The following PHAF1 variants were observed in gnomAD, a reference collection of about 807,000 sequenced individuals.
PHAF1 encodes phagophore assembly factor 1.
PHAF1 carries 23 observed loss-of-function variants against 63.1 expected under a neutral mutation model. That is an observed-to-expected ratio of 0.36 (90% CI 0.26 to 0.52). The LOEUF (loss-of-function observed/expected upper bound fraction) is 0.52. Among genes scored for constraint, PHAF1 ranks in the 20% least tolerant of loss-of-function variants. The pLI is 0.93. For synonymous variants in PHAF1, 167 were observed against 185.0 expected (o/e 0.90, Z 0.79); for missense variants, 427 against 517.2 (o/e 0.83, Z 1.69).
intron 14 of PHAF1, 84 bp from the exon 15 acceptor site, chr16:67,146,194 C>T (rs943127660): frequency 4.0e-6 from 5 of 1,245,758 alleles, no homozygotes; most frequent in Non-Finnish European, 5.9e-6. Context: ...TGGCCAGTAT[C>T]CCATACCCCA....
At chr16:67,145,131 A>G (rs1313764900) in intron 12 of PHAF1, among the ~76,000 whole-genome samples, 1 of 152,038 alleles carries the variant, frequency 6.6e-6, no homozygotes, top group Non-Finnish European at 1.5e-5. Flanking sequence ...ACAGATGATC[A>G]TCCAGGGGGC....
At position 67,147,180 on chromosome 16, in the gene PHAF1, C is replaced by A; in HGVS notation, c.*49C>A. On this transcript the variant is annotated 3_prime_UTR_variant, in exon 16 of 16. Transcript: ENST00000219139. Reference sequence around the variant, plus strand: ...TGTCCCGTGGAACTGTGCATCACATCCTGCTCAGTGGGCCTCTGTACCACC... The same window carrying A: ...TGTCCCGTGGAACTGTGCATCACATACTGCTCAGTGGGCCTCTGTACCACC... 6.6e-7 allele frequency: 1 copy of A among 1,517,934 alleles called. No homozygotes were observed. Among genetic ancestry groups the A allele is most frequent in the Non-Finnish European group, 9.1e-7 (1 of 1,093,530 alleles). 94.0% of individuals were successfully genotyped at this position (1,517,934 alleles called of 1,614,324 possible).
intron 14 of PHAF1, 50 bp downstream of exon 14, chr16:67,145,678 C>G (rs1567656469): frequency 6.4e-7 from 1 of 1,566,386 alleles, no homozygotes; most frequent in Non-Finnish European, 8.6e-7. Context: ...TCCTCAGAGC[C>G]CAGAAAGCCC....
At chr16:67,122,570 C>CACAA (rs986992734) in intron 2 of PHAF1, among the ~76,000 whole-genome samples, 2 of 84,296 alleles carry the variant, frequency 2.4e-5, no homozygotes, top group Admixed American at 1.4e-4. Flanking sequence ...GACCCTGTCT[C>CACAA]AAAAAAAAAA....
chr16:67,111,887 T>C (rs1597177696), intron 1 of PHAF1, among the ~76,000 whole-genome samples: 1 of 152,328 alleles, frequency 6.6e-6, no homozygotes, highest in South Asian at 2.1e-4. Flanking sequence ...CCCAAAGTGC[T>C]AGGATTACAG....
chr16:67,132,977 A>G, intron 6 of PHAF1, 66 bp downstream of exon 6: 1 of 1,315,668 alleles, frequency 7.6e-7, no homozygotes, highest in Non-Finnish European at 1.1e-6. Context: ...AGATGGTGTC[A>G]TGGGATGGGA....
chr16:67,113,866 G>A (rs1160441228), intron 1 of PHAF1, among the ~76,000 whole-genome samples: 1 of 151,442 alleles, frequency 6.6e-6, no homozygotes. Context: ...GCGCACACCA[G>A]GTAATTTTTT....
At position 67,134,420 on chromosome 16, in the gene PHAF1, G is replaced by A. The variant is rs751390076; in HGVS notation, c.614G>A (p.Arg205Gln). ...TATGCTGAGAGTGTAGATGTTCTTC[G>A]AGATGGAACTGGACCTGCAGGTTTA... ...NVYAESVDVLRDGTGPAGLRL... is the reference protein window; with the variant it reads ...NVYAESVDVLQDGTGPAGLRL... Residue 205 changes from arginine to glutamine, a missense_variant, in exon 8 of 16, where the codon CGA (arginine) becomes CAA (glutamine). By Grantham distance (43) the Arg-to-Gln change is conservative. Coordinates refer to ENST00000219139, the MANE Select transcript of PHAF1 (RefSeq NM_025187.5). The A allele has an allele frequency of 1.7e-5, 28 of 1,613,986 alleles. No individual in the cohort carries two copies. Among genetic ancestry groups the A allele is most frequent in the Non-Finnish European group, 2.4e-5 (28 of 1,180,016 alleles).
chr16:67,133,529 G>A (rs959046528), intron 6 of PHAF1, among the ~76,000 whole-genome samples: 9 of 150,556 alleles, frequency 6.0e-5, no homozygotes, highest in East Asian at 1.9e-4. Context: ...AAAACAGGCC[G>A]GGCGCAGTGG....
rs371385766 is a variant in PHAF1, at chr16:67,126,024, T to G, written c.213T>G (p.Ala71=). ...ACGGGATCAAACTAATGTTTGATGC[T>G]TTCAATCAGAGACTTAAGGTAACTA... is the stretch of plus-strand genomic sequence containing the variant. The part of the protein sequence containing the change: ...TQDGIKLMFD[A]FNQRLKVIEV... The change falls in exon 3 of 16, where the codon GCT becomes GCG. Residue 71 remains alanine (A), a synonymous_variant. Coordinates refer to ENST00000219139, the MANE Select transcript of PHAF1 (RefSeq NM_025187.5). 5 of 1,612,106 alleles carry G rather than the reference T, an allele frequency of 3.1e-6. No individual in the cohort carries two copies. Among genetic ancestry groups the G allele is most frequent in the Non-Finnish European group, 3.4e-6 (4 of 1,178,650 alleles).
At chr16:67,134,031 C>T in intron 6 of PHAF1, 137 bp from the exon 7 acceptor site, 2 of 674,148 alleles carry the variant, frequency 3.0e-6, no homozygotes, top group Admixed American at 2.6e-5. Context: ...GACCCAGAGC[C>T]AGAGAGCCAG....
chr16:67,141,285 C>T (rs1006105579), intron 10 of PHAF1, among the ~76,000 whole-genome samples: 5 of 152,064 alleles, frequency 3.3e-5, no homozygotes, highest in Non-Finnish European at 7.4e-5. Context: ...ACACAGGAGC[C>T]AAGAGTAGTA....
At chr16:67,113,810 G>A (rs1031030040) in intron 1 of PHAF1, among the ~76,000 whole-genome samples, 1 of 150,760 alleles carries the variant, frequency 6.6e-6, no homozygotes, top group Non-Finnish European at 1.5e-5. Context: ...GTGCAGTGGC[G>A]TGATCTTGGC....
chr16:67,110,630 G>T (rs1192977759), intron 1 of PHAF1, among the ~76,000 whole-genome samples: 1 of 152,108 alleles, frequency 6.6e-6, no homozygotes, highest in African/African-American at 2.4e-5. Flanking sequence ...CTGAGAAGTG[G>T]CTGACCCCTC....
chr16:67,125,372 G>A (rs776922498), intron 2 of PHAF1, among the ~76,000 whole-genome samples: 12 of 152,104 alleles, frequency 7.9e-5, no homozygotes, highest in Non-Finnish European at 1.8e-4. Context: ...GAGGCTGGGG[G>A]GAGAGAGAAA....
At chr16:67,140,413 C>G in intron 9 of PHAF1, 98 bp from the exon 10 acceptor site, 1 of 1,113,602 alleles carries the variant, frequency 9.0e-7, no homozygotes, top group Non-Finnish European at 1.3e-6. Flanking sequence ...TGTTCCGCAG[C>G]TTAATGTTAC....
Position 67,110,146 on chromosome 16 carries a change from G to A in PHAF1, c.-30G>A, listed in dbSNP as rs376457649. On this transcript the variant is annotated 5_prime_UTR_variant, in exon 1 of 16. Coordinates refer to ENST00000219139, the MANE Select transcript of PHAF1 (RefSeq NM_025187.5). Reference sequence around the variant, plus strand: ...CGGGTCCCTTCTGCGCTGCCGCAGGGAGGCCGCCCGGGCCAGGCGAGCCGA... The same window carrying A: ...CGGGTCCCTTCTGCGCTGCCGCAGGAAGGCCGCCCGGGCCAGGCGAGCCGA... 1.9e-4 allele frequency: 296 copies of A among 1,550,126 alleles called. No homozygotes were observed. The highest frequency in any genetic ancestry group is 2.5e-4 in the Non-Finnish European group (287 of 1,147,012).
intron 2 of PHAF1, among the ~76,000 whole-genome samples, chr16:67,123,926 T>G (rs977916068): frequency 6.6e-6 from 1 of 152,204 alleles, no homozygotes; most frequent in East Asian, 1.9e-4. Context: ...AGCAGATGAT[T>G]TTACTGAACT....
intron 7 of PHAF1, 42 bp downstream of exon 7, chr16:67,134,307 G>C: frequency 1.2e-6 from 2 of 1,607,988 alleles, no homozygotes; most frequent in South Asian, 2.2e-5. Context: ...GGCCTGGGCT[G>C]CCTGGGAGAA....
Sources: allele counts gnomAD v4.1 joint callset (sites outside exome capture counted in the v4.1 genomes callset), GRCh38; gene constraint gnomAD v4.1.1; transcripts MANE v1.5; gene names NCBI Gene and HGNC (gene_info 2026-07-23, HGNC 2026-07-21).